Variants in HIBCH observed in about 807,000 individuals in gnomAD.
HIBCH encodes the protein 3-hydroxyisobutyryl-CoA hydrolase, also known as 3-hydroxyisobutyryl-CoA hydrolase, mitochondrial.
A neutral mutation model predicts 58.2 loss-of-function variants in HIBCH; 50 were observed. That is an observed-to-expected ratio of 0.86 (90% CI 0.68 to 1.09). HIBCH has a LOEUF of 1.09. Among genes scored for constraint, HIBCH ranks in the 50% least tolerant of loss-of-function variants. The pLI is 0.00. For missense variants in HIBCH, 450 were observed against 449.7 expected (o/e 1.00, Z -0.01); for synonymous variants, 151 against 146.9 (o/e 1.03, Z -0.20).
intron 11 of HIBCH, among the ~76,000 whole-genome samples, chr2:190,244,500 T>A (rs1184498930): frequency 6.6e-6 from 1 of 152,202 alleles, no homozygotes; most frequent in South Asian, 2.1e-4. Context: ...GTAGAATTTA[T>A]AGATCAATGT....
intron 7 of HIBCH, among the ~76,000 whole-genome samples, chr2:190,257,933 C>T (rs992831203): frequency 2.6e-5 from 4 of 152,074 alleles, no homozygotes; most frequent in African/African-American, 4.8e-5. Flanking sequence ...GAACTTCAGG[C>T]GACACATACA....
chr2:190,240,132 G>C (rs1686408555), intron 11 of HIBCH, among the ~76,000 whole-genome samples: 1 of 152,132 alleles, frequency 6.6e-6, no homozygotes, highest in African/African-American at 2.4e-5. Flanking sequence ...CTAGTCCTGG[G>C]CTTTTTTTGG....
chr2:190,261,907 C>T (rs1208819929), intron 6 of HIBCH, among the ~76,000 whole-genome samples: 4 of 152,090 alleles, frequency 2.6e-5, no homozygotes, highest in Non-Finnish European at 5.9e-5. Flanking sequence ...TTTTCCTTTC[C>T]CCAGGAGGGG....
chr2:190,265,152 T>TAAAAAAA (rs1687198450), intron 6 of HIBCH, among the ~76,000 whole-genome samples: 11 of 118,404 alleles, frequency 9.3e-5, no homozygotes, highest in African/African-American at 3.9e-4. Flanking sequence ...AAAAAAAAAG[T>TAAAAAAA]ATTGACTCAT....
chr2:190,276,321 T>A (rs1687550123), intron 6 of HIBCH, among the ~76,000 whole-genome samples: 1 of 152,230 alleles, frequency 6.6e-6, no homozygotes, highest in East Asian at 1.9e-4. Flanking sequence ...AGGGCAATTT[T>A]GAGAGTTTCA....
In HIBCH at chr2:190,207,539, A is replaced by G. The variant is rs1690419971; in HGVS notation, c.1045+1341T>C. On this transcript the variant is annotated intron_variant, in intron 13 of 13. Coordinates refer to ENST00000359678, the MANE Select transcript of HIBCH (RefSeq NM_014362.4). The surrounding 1 kb of genome is among the most constrained non-coding windows in gnomAD (Gnocchi z 4.5). ...ACTCTATGAAGAGTGATTGTTTATC[A>G]AAGCTTAAGAGCTGAGAGAACATAA... Among the ~76,000 whole-genome samples, 1 of 152,228 alleles carries G rather than the reference A, an allele frequency of 6.6e-6. No individual in the cohort carries two copies. Among genetic ancestry groups the G allele is most frequent in the Non-Finnish European group, 1.5e-5 (1 of 68,046 alleles).
At chr2:190,303,721 C>A (rs1688329383) in intron 2 of HIBCH, among the ~76,000 whole-genome samples, 1 of 152,146 alleles carries the variant, frequency 6.6e-6, no homozygotes, top group South Asian at 2.1e-4. Flanking sequence ...GACTTACTGA[C>A]TTGCTTTCAA....
chr2:190,280,297 T>A (rs139753410), intron 6 of HIBCH, among the ~76,000 whole-genome samples: 226 of 152,232 alleles, frequency 1.5e-3, no homozygotes, highest in African/African-American at 5.2e-3. Context: ...CCTCAAGGTA[T>A]CAACCCTACT....
rs78213423 is a variant in HIBCH, at chr2:190,209,565, G to A, written c.1012-652C>T. On this transcript the variant is annotated intron_variant, in intron 12 of 13. Transcript: ENST00000359678. The surrounding 1 kb of genome is among the most constrained non-coding windows in gnomAD (Gnocchi z 5.6). The stretch of plus-strand genomic sequence containing the variant: ...TAACCTCTGACTTCTTTAAAAATAC[G>A]AGAAGCTCTTAGATATGAAGTCTTG... Among the ~76,000 whole-genome samples, 1,055 of 152,172 alleles carry A rather than the reference G, an allele frequency of 6.9e-3. 14 individuals carry two copies. Among genetic ancestry groups the A allele is most frequent in the African/African-American group, 0.024 (999 of 41,508 alleles).
chr2:190,307,667 CA>C (rs1246363264), intron 2 of HIBCH, among the ~76,000 whole-genome samples: 1 of 151,496 alleles, frequency 6.6e-6, no homozygotes, highest in East Asian at 1.9e-4. Context: ...TTGTCTCAAA[CA>C]ATAACAAACA....
intron 1 of HIBCH, among the ~76,000 whole-genome samples, chr2:190,191,474 T>C (rs1689707770): frequency 6.6e-6 from 1 of 152,180 alleles, no homozygotes; most frequent in South Asian, 2.1e-4. Context: ...TGAACACAAA[T>C]TTTCATGTAT....
At chr2:190,263,843 C>A (rs977486870) in intron 6 of HIBCH, among the ~76,000 whole-genome samples, 1 of 152,120 alleles carries the variant, frequency 6.6e-6, no homozygotes, top group Non-Finnish European at 1.5e-5. Context: ...AGAGCTCTAA[C>A]TTAAAAATAT....
rs1685580962 is a variant in HIBCH at position 190,217,186 on chromosome 2, T to A, written c.892-4111A>T. ...TTGCCTCCCCAAGTTCCTCCAGGGG[T>A]CAGTGGACCCTGGGGAAGTGCCTCA... On this transcript the variant is annotated intron_variant, in intron 11 of 13. Transcript: ENST00000359678. This position sits in a 1 kb window ranked among gnomAD's most constrained non-coding sequence, Gnocchi z 4.6. Among the ~76,000 whole-genome samples the A allele has an allele frequency of 6.6e-6, 1 of 152,016 alleles. No homozygotes were observed. The highest frequency in any genetic ancestry group is 6.6e-5 in the Admixed American group (1 of 15,262).
chr2:190,307,426 C>T (rs1338571384), intron 2 of HIBCH, among the ~76,000 whole-genome samples: 4 of 152,168 alleles, frequency 2.6e-5, no homozygotes, highest in African/African-American at 9.7e-5. Flanking sequence ...CATTCTAGCA[C>T]ATTGAGGGGC....
intron 1 of HIBCH, among the ~76,000 whole-genome samples, chr2:190,196,566 T>C (rs1159602187): frequency 1.3e-5 from 2 of 151,430 alleles, no homozygotes; most frequent in East Asian, 3.9e-4. Flanking sequence ...TTTTCCTGCC[T>C]CTTTGTATGG....
At chr2:190,314,338 CATATATATGTGTATATATACGT>C (rs1688647593) in intron 1 of HIBCH, among the ~76,000 whole-genome samples, 1 of 130,802 alleles carries the variant, frequency 7.6e-6, no homozygotes, top group Admixed American at 7.8e-5. Context: ...TGTATATATA[CATATATATGTGTATATATACGT>C]ATATATATAC....
chr2:190,228,485 G>A (rs1051330493), intron 11 of HIBCH, among the ~76,000 whole-genome samples: 11 of 151,572 alleles, frequency 7.3e-5, no homozygotes, highest in African/African-American at 2.4e-4. Context: ...CAGCAACATG[G>A]CACATATACA....
At chr2:190,233,293 AAAG>A (rs1229943696) in intron 11 of HIBCH, among the ~76,000 whole-genome samples, 1 of 152,164 alleles carries the variant, frequency 6.6e-6, no homozygotes, top group Non-Finnish European at 1.5e-5. Context: ...AAGTCACAGA[AAAG>A]AAGATGATAT....
At chr2:190,231,369 T>G (rs1559023271) in intron 11 of HIBCH, among the ~76,000 whole-genome samples, 1 of 152,144 alleles carries the variant, frequency 6.6e-6, no homozygotes, top group African/African-American at 2.4e-5. Context: ...TCCTCAAAAT[T>G]AAAAACATTT....
Sources: allele counts gnomAD v4.1 joint callset (sites outside exome capture counted in the v4.1 genomes callset), GRCh38; gene constraint gnomAD v4.1.1; non-coding constraint Gnocchi (gnomAD v3.1); transcripts MANE v1.5; gene names NCBI Gene and HGNC (gene_info 2026-07-23, HGNC 2026-07-21).